Variants in UIMC1 observed in about 807,000 individuals in gnomAD.
UIMC1 encodes ubiquitin interaction motif containing 1, also known as BRCA1-A complex subunit RAP80.
UIMC1 carries 42 observed loss-of-function variants against 84.9 expected under a neutral mutation model. The ratio of observed to expected loss-of-function variants is 0.49; its 90% CI spans 0.39 to 0.64. The LOEUF (loss-of-function observed/expected upper bound fraction) is 0.64, where lower values mean the gene tolerates loss of function less well. Among genes scored for constraint, UIMC1 ranks in the 30% least tolerant of loss-of-function variants. UIMC1 has a pLI of 0.00. For missense variants in UIMC1, 825 were observed against 847.6 expected (o/e 0.97, Z 0.33); for synonymous variants, 281 against 293.0 (o/e 0.96, Z 0.42).
chr5:176,988,721 G>A (rs1772385635), intron 1 of UIMC1, among the ~76,000 whole-genome samples: 1 of 125,796 alleles, frequency 7.9e-6, no homozygotes, highest in Non-Finnish European at 1.6e-5. Context: ...GTCTTACTCT[G>A]TTGCCAGGCT....
In UIMC1 at chr5:176,970,811, A is replaced by G; in HGVS notation, c.288T>C (p.Ala96=). Residue 96 remains alanine, a synonymous_variant, in exon 4 of 15, where the codon GCT becomes GCC. Coordinates refer to ENST00000511320, the MANE Select transcript of UIMC1 (RefSeq NM_001199298.2). ...CCTCCTCCTGGCTGTTCACCTCCCT[A>G]GCTTCCTGCTCACTCATTTTGAGAG... ...ALALKMSEQE[A]REVNSQEEEE... is the part of the protein sequence containing the mutation. The G allele has an allele frequency of 6.2e-7, 1 of 1,614,008 alleles. No individual in the cohort carries two copies. The highest frequency in any genetic ancestry group is 8.5e-7 in the Non-Finnish European group (1 of 1,180,006).
At chr5:176,949,442 A>C (rs1160227639) in intron 9 of UIMC1, among the ~76,000 whole-genome samples, 1 of 152,354 alleles carries the variant, frequency 6.6e-6, no homozygotes, top group East Asian at 1.9e-4. Flanking sequence ...AGCCTTAACT[A>C]AGGGCTTCTT....
At chr5:176,949,608 T>C (rs1355753412) in intron 9 of UIMC1, among the ~76,000 whole-genome samples, 1 of 152,222 alleles carries the variant, frequency 6.6e-6, no homozygotes, top group African/African-American at 2.4e-5. Flanking sequence ...TCATCATCTT[T>C]CCTACCACCA....
At chr5:176,963,261 CT>C (rs2149475374) in intron 6 of UIMC1, among the ~76,000 whole-genome samples, 1 of 150,808 alleles carries the variant, frequency 6.6e-6, no homozygotes, top group East Asian at 2.0e-4. Context: ...TGGCTCACAT[CT>C]GTAACCCCAG....
intron 9 of UIMC1, among the ~76,000 whole-genome samples, chr5:176,950,431 G>T (rs1765721173): frequency 6.6e-6 from 1 of 151,930 alleles, no homozygotes; most frequent in Non-Finnish European, 1.5e-5. Context: ...CGCAGGATAA[G>T]AAAGTATACA....
intron 7 of UIMC1, among the ~76,000 whole-genome samples, chr5:176,957,777 G>C (rs1292114264): frequency 6.6e-6 from 1 of 152,216 alleles, no homozygotes; most frequent in African/African-American, 2.4e-5. Context: ...AATTGGCATA[G>C]AAAACTAGTG....
At chr5:176,951,428 CAACGG>C (rs1244099360) in intron 9 of UIMC1, 41 bp downstream of exon 9, 7 of 1,411,296 alleles carry the variant, frequency 5.0e-6, no homozygotes, top group Non-Finnish European at 6.6e-6. Context: ...AGAGGACTGC[CAACGG>C]AAAGAAACCA....
chr5:176,935,451 T>C (rs760234150), intron 10 of UIMC1, among the ~76,000 whole-genome samples: 12 of 152,340 alleles, frequency 7.9e-5, no homozygotes, highest in South Asian at 6.2e-4. Context: ...ATCTACCTAA[T>C]TGAACTGAAA....
At chr5:176,957,549 G>A (rs78909884) in intron 7 of UIMC1, among the ~76,000 whole-genome samples, 4,072 of 152,270 alleles carry the variant, frequency 0.027, 198 homozygotes, top group African/African-American at 0.093. Context: ...AGGCACAAAC[G>A]GATTAAAAGT....
intron 1 of UIMC1, among the ~76,000 whole-genome samples, chr5:176,987,600 A>T (rs1772220418): frequency 6.6e-6 from 1 of 152,106 alleles, no homozygotes; most frequent in Non-Finnish European, 1.5e-5. Context: ...GCAGTGAGCC[A>T]AGACCACACC....
chr5:176,947,066 T>C (rs868572405), intron 9 of UIMC1, among the ~76,000 whole-genome samples: 1 of 152,298 alleles, frequency 6.6e-6, no homozygotes, highest in Middle Eastern at 3.4e-3. Flanking sequence ...CACAGCTCTA[T>C]ACAATGCAGA....
intron 1 of UIMC1, among the ~76,000 whole-genome samples, chr5:176,985,748 G>A (rs1388196665): frequency 2.0e-5 from 3 of 152,000 alleles, no homozygotes; most frequent in African/African-American, 4.8e-5. Flanking sequence ...GGGACCACAG[G>A]GGTGTGCCAG....
chr5:176,971,646 C>G (rs1023078922), intron 3 of UIMC1, among the ~76,000 whole-genome samples: 1 of 152,138 alleles, frequency 6.6e-6, no homozygotes, highest in Non-Finnish European at 1.5e-5. Flanking sequence ...TGGTGGCTCA[C>G]GCCTGTAATC....
intron 3 of UIMC1, among the ~76,000 whole-genome samples, chr5:176,974,219 T>A (rs958744327): frequency 1.3e-5 from 2 of 152,142 alleles, no homozygotes; most frequent in Non-Finnish European, 2.9e-5. Flanking sequence ...TGGTATGGCA[T>A]AATGACAAAC....
chr5:176,952,234 G>A (rs990933786), intron 8 of UIMC1, among the ~76,000 whole-genome samples: 1 of 152,214 alleles, frequency 6.6e-6, no homozygotes, highest in Non-Finnish European at 1.5e-5. Context: ...TGTTAGTGCT[G>A]AGGTTAAAGA....
chr5:176,963,837 G>T (rs777761693), intron 6 of UIMC1, among the ~76,000 whole-genome samples: 1 of 147,686 alleles, frequency 6.8e-6, no homozygotes. Flanking sequence ...ACACAATCTG[G>T]TCATTTCTGA....
chr5:176,982,523 C>G lies in UIMC1; in HGVS notation c.93G>C (p.Lys31Asn), dbSNP rs778989929. ...ATGCATCCTCAAGTCTACGCTTCCT[C>G]TTCACACTGACAGAACTGGTAGTTT... Reference protein sequence around the residue: ...DVETTSSVSVKRKRRLEDAFI... With the variant: ...DVETTSSVSVNRKRRLEDAFI... Residue 31 changes from lysine (K) to asparagine (N), a missense_variant, in exon 2 of 15, where the codon AAG becomes AAC. Coordinates refer to ENST00000511320, the MANE Select transcript of UIMC1 (RefSeq NM_001199298.2). 6 of 1,614,150 alleles carry G rather than the reference C, an allele frequency of 3.7e-6. No homozygotes were observed. The highest frequency in any genetic ancestry group is 5.1e-6 in the Non-Finnish European group (6 of 1,180,018).
At chr5:177,017,875 C>T (rs1258889436) in intron 1 of UIMC1, among the ~76,000 whole-genome samples, 1 of 151,878 alleles carries the variant, frequency 6.6e-6, no homozygotes, top group Non-Finnish European at 1.5e-5. Context: ...TGGTCTTGAA[C>T]TCCTGGGGTC....
chr5:177,005,303 G>T (rs1318370913), intron 1 of UIMC1, among the ~76,000 whole-genome samples: 1 of 151,922 alleles, frequency 6.6e-6, no homozygotes, highest in Non-Finnish European at 1.5e-5. Flanking sequence ...TGATACTCCT[G>T]GACTCAAGTG....
Sources: allele counts gnomAD v4.1 joint callset (sites outside exome capture counted in the v4.1 genomes callset), GRCh38; gene constraint gnomAD v4.1.1; transcripts MANE v1.5; gene names NCBI Gene and HGNC (gene_info 2026-07-23, HGNC 2026-07-21).